The following MTMR9 variants were observed in gnomAD, a reference collection of about 807,000 sequenced individuals.
MTMR9 encodes myotubularin related protein 9.
A neutral mutation model predicts 69.5 loss-of-function variants in MTMR9; 39 were observed. The observed-to-expected ratio is 0.56, with a 90% CI of 0.43 to 0.73. MTMR9 has a LOEUF of 0.73. MTMR9 is among the 30% of genes least tolerant of loss of function. The pLI, the probability that MTMR9 is intolerant of heterozygous loss-of-function variation, is 0.00. For synonymous variants in MTMR9, 354 were observed against 240.8 expected (o/e 1.47, Z -4.35); for missense variants, 900 against 671.2 (o/e 1.34, Z -3.77).
chr8:11,338,346 G>A, the MTMR9 span, among the ~76,000 whole-genome samples: 1 of 152,220 alleles, frequency 6.6e-6, no homozygotes, highest in Non-Finnish European at 1.5e-5. Flanking sequence ...TAAGAAATGT[G>A]CTAGTGAGGT....
chr8:11,338,438 C>T, the MTMR9 span, among the ~76,000 whole-genome samples: 12 of 152,288 alleles, frequency 7.9e-5, no homozygotes, highest in East Asian at 1.2e-3. Context: ...TCTATTGAAC[C>T]GGGCTCCATA....
At chr8:11,287,961 C>T (rs1214985879) in intron 1 of MTMR9, among the ~76,000 whole-genome samples, 1 of 116,082 alleles carries the variant, frequency 8.6e-6, no homozygotes, top group Non-Finnish European at 1.7e-5. Flanking sequence ...GTATTATATA[C>T]TATGTATTAT....
rs991001126 is a variant in MTMR9 at position 11,323,981 on chromosome 8, A to G, written c.*1193A>G. 4 of 152,016 alleles carry G rather than the reference A, an allele frequency of 2.6e-5. No homozygotes were observed. The highest frequency in any genetic ancestry group is 7.3e-5 in the African/African-American group (3 of 41,374). 9.4% of individuals were successfully genotyped at this position (152,016 alleles called of 1,614,324 possible). On this transcript the variant is annotated 3_prime_UTR_variant, in exon 10 of 10. Transcript: ENST00000221086. ...CATGCTCTGCTAGTCTATGCCTGCA[A>G]CTCCAAATGTTTGTGGTTCAGTATT... is the stretch of plus-strand genomic sequence containing the variant.
chr8:11,317,295 C>T (rs1269469562), intron 8 of MTMR9: 2 of 152,960 alleles, frequency 1.3e-5, no homozygotes, highest in Non-Finnish European at 2.9e-5. Flanking sequence ...AAAAGTGTGG[C>T]CTAGAGCAGC....
chr8:11,336,250 T>C, the MTMR9 span, among the ~76,000 whole-genome samples: 1 of 152,164 alleles, frequency 6.6e-6, no homozygotes, highest in Admixed American at 6.5e-5. Flanking sequence ...AGGAAGTCCA[T>C]GTTGCTGAGT....
At chr8:11,338,552 G>A in the MTMR9 span, among the ~76,000 whole-genome samples, 1 of 152,196 alleles carries the variant, frequency 6.6e-6, no homozygotes, top group Non-Finnish European at 1.5e-5. Context: ...AAGCAAAGCT[G>A]GAATGGTGAC....
intron 8 of MTMR9, 73 bp downstream of exon 8, chr8:11,316,966 C>A: frequency 2.1e-6 from 2 of 944,186 alleles, no homozygotes; most frequent in Non-Finnish European, 3.2e-6. Context: ...CCAGAATCTC[C>A]TAGGAGACGA....
At chr8:11,298,730 C>CG in intron 2 of MTMR9, 3 of 926,858 alleles carry the variant, frequency 3.2e-6, no homozygotes, top group Non-Finnish European at 3.8e-6. Flanking sequence ...ACCCCCCCCC[C>CG]GCCATCCAGT....
At chr8:11,315,323 G>A (rs887351289) in intron 7 of MTMR9, among the ~76,000 whole-genome samples, 1 of 152,114 alleles carries the variant, frequency 6.6e-6, no homozygotes, top group Admixed American at 6.5e-5. Context: ...ACAAAGAATG[G>A]GAAGCATAGT....
In MTMR9 at chr8:11,288,060, A is replaced by C. The variant is rs1485192846; in HGVS notation, c.182+2990A>C. The stretch of plus-strand genomic sequence containing the variant: ...TATATTATATAATACGTATTATATA[A>C]TATATATTATATTTCACCTATATAA... On this transcript the variant is annotated intron_variant, in intron 1 of 9. Coordinates refer to ENST00000221086, the MANE Select transcript of MTMR9 (RefSeq NM_015458.4). Among the ~76,000 whole-genome samples the C allele has an allele frequency of 5.4e-5, 7 of 130,538 alleles. No homozygotes were observed. The East Asian group carries it at 1.1e-3, about 20-fold the overall frequency. 85.6% of individuals were successfully genotyped at this position (130,538 alleles called of 152,430 possible).
chr8:11,334,130 C>G, the MTMR9 span, among the ~76,000 whole-genome samples: 2 of 152,218 alleles, frequency 1.3e-5, no homozygotes, highest in Non-Finnish European at 2.9e-5. Context: ...GACTTCCCAG[C>G]TTCCAGAGCC....
rs868367221 is a variant in MTMR9 at position 11,324,470 on chromosome 8, G to A, written c.*1682G>A. ...GGCAAGGAGCATAAGAGATGTTCTC[G>A]TAGCTCTGCGTTGTGTGAAATGTCC... On this transcript the variant is annotated 3_prime_UTR_variant, in exon 10 of 10. Transcript: ENST00000221086. 26 of 147,552 alleles carry A rather than the reference G, an allele frequency of 1.8e-4. No individual in the cohort carries two copies. The highest frequency in any genetic ancestry group is 3.3e-4 in the African/African-American group (13 of 39,702). 9.1% of individuals were successfully genotyped at this position (147,552 alleles called of 1,614,324 possible).
chr8:11,298,546 C>A (rs1444990135), intron 2 of MTMR9, among the ~76,000 whole-genome samples: 1 of 152,012 alleles, frequency 6.6e-6, no homozygotes, highest in African/African-American at 2.4e-5. Context: ...GTCCGGTCTA[C>A]TATTGAATAG....
chr8:11,305,229 C>T (rs376967999), intron 4 of MTMR9, among the ~76,000 whole-genome samples: 2 of 152,078 alleles, frequency 1.3e-5, no homozygotes, highest in Admixed American at 6.5e-5. Context: ...CCTGCTCAGC[C>T]GTATAAAAGC....
At chr8:11,300,347 C>G (rs1799707054) in intron 3 of MTMR9, 199 bp downstream of exon 3, 1 of 428,940 alleles carries the variant, frequency 2.3e-6, no homozygotes, top group Non-Finnish European at 4.1e-6. Context: ...ATCAGTAATA[C>G]TAAGATATCT....
At chr8:11,301,892 A>G (rs1447364566) in intron 3 of MTMR9, among the ~76,000 whole-genome samples, 1 of 152,226 alleles carries the variant, frequency 6.6e-6, no homozygotes, top group Non-Finnish European at 1.5e-5. Flanking sequence ...ATGGAAAAAC[A>G]GAGAGGTTAG....
At chr8:11,288,358 A>AAT (rs1471976190) in intron 1 of MTMR9, among the ~76,000 whole-genome samples, 2 of 141,380 alleles carry the variant, frequency 1.4e-5, no homozygotes, top group African/African-American at 2.6e-5. Context: ...ATATATATAT[A>AAT]ATATATATAT....
At chr8:11,328,310 A>G (rs1305531413), downstream of MTMR9, among the ~76,000 whole-genome samples, 1 of 151,240 alleles carries the variant, frequency 6.6e-6, no homozygotes, top group African/African-American at 2.4e-5. Context: ...ATATTGAATG[A>G]TTGGTAAAAT....
At chr8:11,319,491 T>TTTG (rs555870731) in intron 8 of MTMR9, 196 bp from the exon 9 acceptor site, 2 of 577,868 alleles carry the variant, frequency 3.5e-6, no homozygotes, top group East Asian at 6.0e-5. Flanking sequence ...TACTCTTTGT[T>TTTG]TTGTTGTTGT....
Sources: allele counts gnomAD v4.1 joint callset (sites outside exome capture counted in the v4.1 genomes callset), GRCh38; gene constraint gnomAD v4.1.1; transcripts MANE v1.5; gene names NCBI Gene and HGNC (gene_info 2026-07-23, HGNC 2026-07-21).